Variants in POFUT1 observed in about 807,000 individuals in gnomAD.
POFUT1 encodes the protein GDP-fucose protein O-fucosyltransferase 1.
Under a neutral mutation model 42.4 loss-of-function variants are expected in POFUT1, and 16 were observed. That is an observed-to-expected ratio of 0.38 (90% CI 0.26 to 0.57). POFUT1 has a LOEUF of 0.57. Among genes scored for constraint, POFUT1 ranks in the 20% least tolerant of loss-of-function variants. POFUT1 has a pLI of 0.71. For synonymous variants in POFUT1, 206 were observed against 205.4 expected (o/e 1.00, Z -0.03); for missense variants, 470 against 504.6 (o/e 0.93, Z 0.66).
intron 1 of POFUT1, among the ~76,000 whole-genome samples, chr20:32,209,820 G>A (rs1450111348): frequency 3.3e-5 from 5 of 152,196 alleles, no homozygotes; most frequent in Non-Finnish European, 7.3e-5. Flanking sequence ...GGCATTGGGT[G>A]GGGATGGGAA....
At chr20:32,212,928 G>C (rs1351864000) in intron 2 of POFUT1, among the ~76,000 whole-genome samples, 1 of 149,118 alleles carries the variant, frequency 6.7e-6, no homozygotes, top group South Asian at 2.1e-4. Context: ...CTTGTCACCC[G>C]GGCTGGAGTG....
intron 3 of POFUT1, 65 bp downstream of exon 3, chr20:32,215,516 G>A: frequency 1.5e-6 from 2 of 1,354,618 alleles, no homozygotes; most frequent in South Asian, 1.4e-5. Context: ...CCAAGACTAT[G>A]TCATGGCAAA....
chr20:32,216,527 C>T (rs1036674591), intron 3 of POFUT1, 82 bp from the exon 4 acceptor site: 13 of 809,704 alleles, frequency 1.6e-5, no homozygotes, highest in Non-Finnish European at 2.8e-5. Flanking sequence ...CACCCAGCTT[C>T]CCCCACCTAC....
intron 4 of POFUT1, among the ~76,000 whole-genome samples, chr20:32,225,389 G>A (rs764450752): frequency 2.2e-4 from 33 of 152,098 alleles, no homozygotes; most frequent in Non-Finnish European, 4.0e-4. Context: ...GGGTTTCGCC[G>A]TGTTAGCCAG....
At chr20:32,227,595 A>G (rs764718849) in intron 4 of POFUT1, among the ~76,000 whole-genome samples, 5 of 152,188 alleles carry the variant, frequency 3.3e-5, no homozygotes, top group Non-Finnish European at 7.3e-5. Flanking sequence ...TATTCTGCGC[A>G]TACTGGAGCA....
rs1157407812 is a variant in POFUT1 at position 32,228,527 on chromosome 20, C to T, written c.735+72C>T. 9 of 1,337,854 alleles carry T rather than the reference C, an allele frequency of 6.7e-6. No individual in the cohort carries two copies. In the East Asian group the frequency reaches 9.5e-5, roughly 14 times the overall value. The allele number at this position is 1,337,854 out of a possible 1,614,324, so 82.9% of individuals were successfully genotyped here. A position where few individuals can be genotyped will look rare whatever the true frequency, so the allele number is the denominator to read the frequency against. On this transcript the variant is annotated intron_variant, in intron 5 of 6. Transcript: ENST00000375749. ...GAGCATGGCCCTGGCCTGTAGGGAT[C>T]GGCCCCGCGTCCCAGCCAGAGCAGA...
intron 2 of POFUT1, among the ~76,000 whole-genome samples, chr20:32,214,997 C>T (rs2047351089): frequency 6.6e-6 from 1 of 152,134 alleles, no homozygotes; most frequent in South Asian, 2.1e-4. Flanking sequence ...AAGCAGTTCT[C>T]CTACCTCAGT....
In POFUT1 at chr20:32,216,644, T is replaced by A. The variant is rs2047362091; in HGVS notation, c.465T>A (p.Phe155Leu). Reference protein sequence around the residue: ...GNPFGPFWDQFHVSFNKSELF... With the variant: ...GNPFGPFWDQLHVSFNKSELF... ...CCTTTGGCCCATTCTGGGATCAGTT[T>A]CATGTGAGTTTCAACAAGTCGGAGC... The change falls in exon 4 of 7, where the codon TTT (phenylalanine) becomes TTA (leucine). Residue 155 changes from phenylalanine (F) to leucine (L), a missense_variant. Coordinates refer to ENST00000375749, the MANE Select transcript of POFUT1 (RefSeq NM_015352.2). The A allele has an allele frequency of 1.9e-6, 3 of 1,613,710 alleles. No individual in the cohort carries two copies. The highest frequency in any genetic ancestry group is 2.5e-6 in the Non-Finnish European group (3 of 1,179,712).
Position 32,234,771 on chromosome 20 carries a change from T to C in POFUT1, c.*110T>C. On this transcript the variant is annotated 3_prime_UTR_variant, in exon 7 of 7. Transcript: ENST00000375749. The stretch of plus-strand genomic sequence containing the variant: ...GCTCCGGGATTGCAAACTCCTCTTC[T>C]CACCTGCCAAAGATGGAGAAGAGTG... The C allele has an allele frequency of 1.1e-6, 1 of 934,978 alleles. No homozygotes were observed. The highest frequency in any genetic ancestry group is 1.7e-5 in the South Asian group (1 of 59,022). 57.9% of individuals were successfully genotyped at this position (934,978 alleles called of 1,614,324 possible).
chr20:32,222,758 C>T lies in POFUT1; in HGVS notation c.543-5505C>T, dbSNP rs114504331. ...TTCTGAGCCTGTGAATAGCCTGGCA[C>T]AGCTCTAATTCAGCTGACGCTTACT... On this transcript the variant is annotated intron_variant, in intron 4 of 6. Coordinates refer to ENST00000375749, the MANE Select transcript of POFUT1 (RefSeq NM_015352.2). 584 of 985,478 alleles carry T rather than the reference C, an allele frequency of 5.9e-4. 6 individuals are homozygous for T. The African/African-American group carries it at 9.7e-3, about 16-fold the overall frequency. The allele number at this position is 985,478 out of a possible 1,614,324, so 61.0% of individuals were successfully genotyped here. A position where few individuals can be genotyped will look rare whatever the true frequency, so the allele number is the denominator to read the frequency against.
chr20:32,217,434 C>T (rs1229851458), intron 4 of POFUT1: 1 of 1,010,276 alleles, frequency 9.9e-7, no homozygotes, highest in African/African-American at 1.7e-5. Flanking sequence ...GGTCAAAGCA[C>T]TTGGCATTTA....
intron 1 of POFUT1, 43 bp downstream of exon 1, chr20:32,208,108 C>T (rs2047303612): frequency 6.6e-7 from 1 of 1,524,150 alleles, no homozygotes; most frequent in Non-Finnish European, 8.8e-7. Context: ...GAAACTGAGG[C>T]CGGGAGAGGA....
At chr20:32,214,475 T>G (rs2047348109) in intron 2 of POFUT1, among the ~76,000 whole-genome samples, 1 of 152,158 alleles carries the variant, frequency 6.6e-6, no homozygotes, top group Admixed American at 6.5e-5. Context: ...GATCCCAAAC[T>G]GGTTGCTCCA....
chr20:32,226,948 T>C (rs1318847211), intron 4 of POFUT1, among the ~76,000 whole-genome samples: 1 of 152,208 alleles, frequency 6.6e-6, no homozygotes, highest in Non-Finnish European at 1.5e-5. Context: ...TTCATTTTTC[T>C]TGAATAAATG....
intron 6 of POFUT1, among the ~76,000 whole-genome samples, chr20:32,233,876 G>A (rs1484006430): frequency 1.3e-5 from 2 of 152,158 alleles, no homozygotes; most frequent in African/African-American, 4.8e-5. Flanking sequence ...AATAGAATTT[G>A]AGCTTAGCCT....
At chr20:32,229,698 T>G (rs967343094) in intron 5 of POFUT1, among the ~76,000 whole-genome samples, 4 of 152,200 alleles carry the variant, frequency 2.6e-5, no homozygotes, top group Non-Finnish European at 5.9e-5. Flanking sequence ...AGAAAAGTAA[T>G]TTTTGTTTCA....
intron 4 of POFUT1, chr20:32,217,280 C>A: frequency 7.3e-7 from 1 of 1,370,922 alleles, no homozygotes; most frequent in Non-Finnish European, 9.4e-7. Flanking sequence ...ATGACCAGCT[C>A]TGGTTTTCTA....
intron 4 of POFUT1, among the ~76,000 whole-genome samples, chr20:32,219,508 GTTTTT>G (rs11478934): frequency 8.9e-6 from 1 of 112,352 alleles, no homozygotes. Flanking sequence ...ATAACAACAA[GTTTTT>G]TTTTTTTTTT....
chr20:32,223,730 T>C, intron 4 of POFUT1: 1 of 974,548 alleles, frequency 1.0e-6, no homozygotes, highest in Non-Finnish European at 1.2e-6. Context: ...ATTCTAAAAA[T>C]ATTTATCATG....
Sources: gnomAD v4.1 joint callset for allele counts (sites outside exome capture counted in the v4.1 genomes callset) on GRCh38, gnomAD v4.1.1 for gene constraint, MANE v1.5 for transcripts, NCBI Gene and HGNC (gene_info 2026-07-23, HGNC 2026-07-21) for gene names.